DYSF: variants seen among roughly 807,000 people sequenced by gnomAD.
DYSF encodes the protein dystrophy-associated fer-1-like 1.
In DYSF, 212 loss-of-function variants were observed where a neutral mutation model predicts 274.9. The ratio of observed to expected loss-of-function variants is 0.77; its 90% CI spans 0.69 to 0.86. The LOEUF (loss-of-function observed/expected upper bound fraction) is 0.86. DYSF is among the 40% of genes least tolerant of loss of function. The pLI is 0.00. For missense variants in DYSF, 2,666 were observed against 2,783.2 expected (o/e 0.96, Z 0.95); for synonymous variants, 1,091 against 1,078.7 (o/e 1.01, Z -0.22).
chr2:71,466,577 CG>C (rs2081547268), upstream of DYSF: 1 of 1,118,840 alleles, frequency 8.9e-7, no homozygotes, highest in African/African-American at 1.6e-5. Context: ...CACAGGCGCC[CG>C]TCTGACCCCT....
At chr2:71,665,377 T>A (rs909323863) in intron 47 of DYSF, 73 bp downstream of exon 47, 42 of 1,602,806 alleles carry the variant, frequency 2.6e-5, no homozygotes, top group Non-Finnish European at 3.4e-5. Flanking sequence ...GACCCTCTGC[T>A]ACCATAAAAG....
chr2:71,610,565 T>C (rs1039576115), intron 36 of DYSF, among the ~76,000 whole-genome samples: 2 of 152,206 alleles, frequency 1.3e-5, no homozygotes, highest in Non-Finnish European at 2.9e-5. Context: ...AAACTCTTAG[T>C]AGGCCAGAAT....
intron 2 of DYSF, among the ~76,000 whole-genome samples, chr2:71,481,325 C>G (rs2082873941): frequency 6.6e-6 from 1 of 152,252 alleles, no homozygotes; most frequent in African/African-American, 2.4e-5. Flanking sequence ...TCCTGCTAGC[C>G]CCTGTCCCCT....
At chr2:71,634,083 C>G (rs1368534563) in intron 41 of DYSF, among the ~76,000 whole-genome samples, 2 of 152,188 alleles carry the variant, frequency 1.3e-5, no homozygotes, top group East Asian at 3.9e-4. Context: ...TGGCTATTAG[C>G]TGAAACTGGA....
intron 14 of DYSF, among the ~76,000 whole-genome samples, chr2:71,529,030 C>T (rs1034782332): frequency 1.3e-5 from 2 of 152,172 alleles, no homozygotes; most frequent in African/African-American, 4.8e-5. Context: ...CTCCGTAGCT[C>T]TCCGAACCCT....
chr2:71,574,989 C>A lies in DYSF; in HGVS notation c.3402+618C>A, dbSNP rs117422545. Among the ~76,000 whole-genome samples, 382 of 152,290 alleles carry A rather than the reference C, an allele frequency of 2.5e-3. 5 individuals are homozygous for A. The highest frequency in any genetic ancestry group is 0.016 in the East Asian group (82 of 5,176). On this transcript the variant is annotated intron_variant, in intron 30 of 55. Transcript: ENST00000410020. ...GCGAGCACTCGGTACTGGCACACAG[C>A]CAGTCCCCACTCTGCTGCTCTGGGG...
chr2:71,539,624 G>T (rs2089730034), intron 17 of DYSF, among the ~76,000 whole-genome samples: 1 of 152,124 alleles, frequency 6.6e-6, no homozygotes, highest in Non-Finnish European at 1.5e-5. Flanking sequence ...AAAATTTTAA[G>T]TAAAGAAATA....
intron 4 of DYSF, among the ~76,000 whole-genome samples, chr2:71,506,622 G>T (rs570216248): frequency 6.6e-6 from 1 of 152,244 alleles, no homozygotes; most frequent in African/African-American, 2.4e-5. Flanking sequence ...ATATCCCCCA[G>T]GAAGAAAATC....
At chr2:71,610,719 C>T (rs11889141) in intron 36 of DYSF, 30,543 of 209,680 alleles carry the variant, frequency 0.15, 5,326 homozygotes, top group African/African-American at 0.48. Flanking sequence ...AGGGGACAGG[C>T]GTGAGAGGTG....
intron 54 of DYSF, 72 bp downstream of exon 54, chr2:71,681,182 A>G: frequency 1.4e-6 from 2 of 1,401,918 alleles, no homozygotes; most frequent in Non-Finnish European, 2.0e-6. Context: ...GAGGCATCCC[A>G]TTGCATGGCC....
At chr2:71,463,172 G>A (rs1456350042), upstream of DYSF, among the ~76,000 whole-genome samples, 2 of 152,248 alleles carry the variant, frequency 1.3e-5, no homozygotes, top group South Asian at 2.1e-4. Flanking sequence ...TCCCTCCTGA[G>A]CTTGTCAGTG....
intron 41 of DYSF, among the ~76,000 whole-genome samples, chr2:71,640,269 A>G (rs964702293): frequency 6.6e-6 from 1 of 152,266 alleles, no homozygotes; most frequent in Non-Finnish European, 1.5e-5. Flanking sequence ...TATTGCTTTA[A>G]AATATTCTTT....
At chr2:71,639,611 C>T (rs1021760840) in intron 41 of DYSF, among the ~76,000 whole-genome samples, 4 of 152,044 alleles carry the variant, frequency 2.6e-5, no homozygotes, top group South Asian at 2.1e-4. Flanking sequence ...ATGGAGGTAC[C>T]GTTCAGTTCC....
At chr2:71,623,175 ATT>A (rs140067231) in intron 41 of DYSF, among the ~76,000 whole-genome samples, 109 of 150,910 alleles carry the variant, frequency 7.2e-4, no homozygotes, top group Non-Finnish European at 1.3e-3. Flanking sequence ...ATAGGGACTT[ATT>A]TTTTTTTTTA....
intron 36 of DYSF, among the ~76,000 whole-genome samples, chr2:71,603,064 T>C (rs1172561472): frequency 6.6e-6 from 1 of 152,190 alleles, no homozygotes; most frequent in African/African-American, 2.4e-5. Flanking sequence ...TGAATAGCAA[T>C]ACAGATTCTT....
At chr2:71,565,974 C>T (rs1356799877) in intron 24 of DYSF, among the ~76,000 whole-genome samples, 2 of 152,256 alleles carry the variant, frequency 1.3e-5, no homozygotes, top group Non-Finnish European at 2.9e-5. Context: ...GATGTCTGCA[C>T]ACAGTTGTGT....
At chr2:71,643,504 A>G (rs1169929987) in intron 41 of DYSF, among the ~76,000 whole-genome samples, 1 of 152,166 alleles carries the variant, frequency 6.6e-6, no homozygotes, top group Non-Finnish European at 1.5e-5. Flanking sequence ...GGCAGAATAG[A>G]TAAAACTCTT....
rs1038003557 is a variant in DYSF at position 71,558,693 on chromosome 2, C to A, written c.2216+2622C>A. Among the ~76,000 whole-genome samples, 4 of 152,250 alleles carry A rather than the reference C, an allele frequency of 2.6e-5. No individual in the cohort carries two copies. In the South Asian group the frequency reaches 8.3e-4, roughly 32 times the overall value. Reference sequence around the variant, plus strand: ...AGGATCTGCCTACAAACAGTTCTGGCGCCTTTGAGTCACTCTCCTGGGGTT... The same window carrying A: ...AGGATCTGCCTACAAACAGTTCTGGAGCCTTTGAGTCACTCTCCTGGGGTT... On this transcript the variant is annotated intron_variant, in intron 22 of 55. Coordinates refer to ENST00000410020, the MANE Select transcript of DYSF (RefSeq NM_001130987.2).
intron 4 of DYSF, among the ~76,000 whole-genome samples, chr2:71,510,721 A>G (rs1165527919): frequency 6.6e-6 from 1 of 152,192 alleles, no homozygotes; most frequent in African/African-American, 2.4e-5. Flanking sequence ...GGTCCAGTGA[A>G]CTGTGCCAGA....
Sources: gnomAD v4.1 joint callset for allele counts (sites outside exome capture counted in the v4.1 genomes callset) on GRCh38, gnomAD v4.1.1 for gene constraint, MANE v1.5 for transcripts, NCBI Gene and HGNC (gene_info 2026-07-23, HGNC 2026-07-21) for gene names.